The following CCHCR1 variants were observed in gnomAD, a reference collection of about 807,000 sequenced individuals.
CCHCR1 encodes the protein HCR (a-helix coiled-coil rod homologue).
A neutral mutation model predicts 114.6 loss-of-function variants in CCHCR1; 91 were observed. The ratio of observed to expected loss-of-function variants is 0.79; its 90% CI spans 0.67 to 0.94. The LOEUF (loss-of-function observed/expected upper bound fraction) is 0.94. Ranked by LOEUF, CCHCR1 falls within the 40% of genes least tolerant of loss-of-function variation. The pLI, the probability that CCHCR1 is intolerant of heterozygous loss-of-function variation, is 0.00. For synonymous variants in CCHCR1, 379 were observed against 428.5 expected, an observed-to-expected ratio of 0.88 and a Z score of 1.43; for missense variants, 899 against 1,079.9, an observed-to-expected ratio of 0.83 and a Z score of 2.35.
At chr6:31,149,784 C>T (rs1581933869) in intron 8 of CCHCR1, 3 of 391,522 alleles carry the variant, frequency 7.7e-6, no homozygotes, top group Non-Finnish European at 1.4e-5. Flanking sequence ...AGGTGAATCA[C>T]CTGAGGTCAG....
Position 31,150,491 on chromosome 6 carries a change from G to T in CCHCR1, c.1176C>A (p.His392Gln). The change falls in exon 7 of 18, where the codon CAC (histidine) becomes CAA (glutamine). Residue 392 changes from histidine (H) to glutamine (Q), a missense_variant. His to Gln is a conservative substitution (Grantham distance 24, BLOSUM62 0). Transcript: ENST00000396268. This position sits in a 1 kb window ranked among gnomAD's most constrained non-coding sequence, Gnocchi z 5.3. Reference protein sequence around the residue: ...LLQVRVQSLTHILALQEEELT... With the variant: ...LLQVRVQSLTQILALQEEELT... ...GCTCCTCCTCCTGCAGGGCGAGGAT[G>T]TGTGTGAGGCTCTGCACCCGCACCT... 1.5e-5 allele frequency: 24 copies of T among 1,612,702 alleles called. No individual in the cohort carries two copies. The highest frequency in any genetic ancestry group is 2.0e-5 in the Non-Finnish European group (24 of 1,179,928).
rs1003946415 is a variant in CCHCR1, at chr6:31,154,649, C to T, written c.648G>A (p.Met216Ile). The part of the protein sequence containing the change: ...QQKMRLEAQA[M>I]ELEALARAEK... Reference sequence around the variant, plus strand: ...CCGCCCGTGCCAGAGCCTCTAGCTCCATGGCCTGGGCCTCTAGCCTCATCT... The same window carrying T: ...CCGCCCGTGCCAGAGCCTCTAGCTCTATGGCCTGGGCCTCTAGCCTCATCT... The change falls in exon 4 of 18, where the codon ATG becomes ATA. Residue 216 changes from methionine (M) to isoleucine (I), a missense_variant. Met to Ile is a conservative substitution (Grantham distance 10). Transcript: ENST00000396268. The surrounding 1 kb of genome is among the most constrained non-coding windows in gnomAD (Gnocchi z 4.1). 1.2e-6 allele frequency: 2 copies of T among 1,612,530 alleles called. No individual in the cohort carries two copies. The highest frequency in any genetic ancestry group is 1.7e-6 in the Non-Finnish European group (2 of 1,179,994).
At chr6:31,153,271 G>C (rs1775509402) in intron 4 of CCHCR1, among the ~76,000 whole-genome samples, 1 of 152,128 alleles carries the variant, frequency 6.6e-6, no homozygotes, top group South Asian at 2.1e-4. Context: ...ACTGTGCCTG[G>C]CCTAGCTTCT....
chr6:31,150,120 C>T lies in CCHCR1; in HGVS notation c.1308G>A (p.Gln436=). 1 of 1,614,210 alleles carries T rather than the reference C, an allele frequency of 6.2e-7. No individual in the cohort carries two copies. Among genetic ancestry groups the T allele is most frequent in the Non-Finnish European group, 8.5e-7 (1 of 1,180,032 alleles). ...WREKVFALMV[Q]LKAQELEHSD... is the part of the protein sequence containing the mutation. ...TGTGTTCCAGCTCCTGGGCCTTTAG[C>T]TGCACCATGAGGGCAAACACCTTCT... is the stretch of plus-strand genomic sequence containing the variant. Residue 436 remains glutamine, a synonymous_variant, in exon 8 of 18, where the codon CAG becomes CAA. Transcript: ENST00000396268. The surrounding 1 kb of genome is among the most constrained non-coding windows in gnomAD (Gnocchi z 5.3).
Position 31,154,630 on chromosome 6 carries a change from G to A in CCHCR1, c.667C>T (p.Arg223Trp), listed in dbSNP as rs11961407. ...TCAGCTCGGCCGGCCTTCTCCGCCC[G>A]TGCCAGAGCCTCTAGCTCCATGGCC... is the stretch of plus-strand genomic sequence containing the variant. ...AQAMELEALA[R>W]AEKAGRAEAE... The change falls in exon 4 of 18, where the codon CGG (arginine) becomes TGG (tryptophan). Residue 223 changes from arginine to tryptophan, a missense_variant. Coordinates refer to ENST00000396268, the MANE Select transcript of CCHCR1 (RefSeq NM_001105564.2). This position sits in a 1 kb window ranked among gnomAD's most constrained non-coding sequence, Gnocchi z 4.1. 3,658 of 1,612,762 alleles carry A rather than the reference G, an allele frequency of 2.3e-3. 76 individuals are homozygous for A. In the African/African-American group the frequency reaches 0.039, roughly 17 times the overall value.
At position 31,144,412 on chromosome 6, in the gene CCHCR1, C is replaced by T. The variant is rs948576137; in HGVS notation, c.2167+275G>A. 2 of 367,846 alleles carry T rather than the reference C, an allele frequency of 5.4e-6. No homozygotes were observed. Among genetic ancestry groups the T allele is most frequent in the South Asian group, 8.5e-5 (1 of 11,834 alleles). 22.8% of individuals were successfully genotyped at this position (367,846 alleles called of 1,614,324 possible). On this transcript the variant is annotated intron_variant, in intron 15 of 17. Transcript: ENST00000396268. The surrounding 1 kb of genome is among the most constrained non-coding windows in gnomAD (Gnocchi z 4.6). ...GTTTCGCCATGTTGTCCAGGCTGGC[C>T]TCAAACTCCTGACCTCAGGTGATAC... is the stretch of plus-strand genomic sequence containing the variant.
In CCHCR1 at chr6:31,145,074, C is replaced by CT. The variant is rs555766439; in HGVS notation, c.1877-2dup. 4,139 of 1,600,058 alleles carry CT rather than the reference C, an allele frequency of 2.6e-3. 13 individuals are homozygous for CT. The highest frequency in any genetic ancestry group is 3.2e-3 in the Non-Finnish European group (3,735 of 1,176,462). ...CTCAGCTGCTGCCGCTCTGCCTCCC[C>CT]TAAAAGGAGGGGGTGCTGGGTCAGG... On this transcript the variant is annotated splice_acceptor_variant, in intron 13 of 17. Coordinates refer to ENST00000396268, the MANE Select transcript of CCHCR1 (RefSeq NM_001105564.2). LOFTEE classifies it high-confidence loss of function.
In CCHCR1 at chr6:31,144,865, A is replaced by G. The variant is rs1166520435; in HGVS notation, c.2065+20T>C. On this transcript the variant is annotated intron_variant, in intron 14 of 17. Coordinates refer to ENST00000396268, the MANE Select transcript of CCHCR1 (RefSeq NM_001105564.2). The surrounding 1 kb of genome is among the most constrained non-coding windows in gnomAD (Gnocchi z 4.6). ...TCCCACCCCACCCTCCAAGGGAAGC[A>G]CCCATTTCCCTCTCGACACCTTGCC... The G allele has an allele frequency of 6.2e-7, 1 of 1,609,108 alleles. No homozygotes were observed. The highest frequency in any genetic ancestry group is 8.5e-7 in the Non-Finnish European group (1 of 1,176,026).
intron 12 of CCHCR1, 58 bp downstream of exon 12, chr6:31,145,390 G>A (rs1418871822): frequency 1.2e-6 from 2 of 1,612,826 alleles, no homozygotes; most frequent in African/African-American, 2.7e-5. Context: ...CATGGTTTTG[G>A]GGGTCCCAGC....
intron 10 of CCHCR1, among the ~76,000 whole-genome samples, chr6:31,146,454 A>AC (rs1326878328): frequency 6.6e-6 from 1 of 152,212 alleles, no homozygotes; most frequent in African/African-American, 2.4e-5. Context: ...CAGAAGTAGG[A>AC]CCAACCTGGC....
Position 31,144,549 on chromosome 6 carries a change from A to G in CCHCR1, c.2167+138T>C, listed in dbSNP as rs963640265. On this transcript the variant is annotated intron_variant, in intron 15 of 17. Coordinates refer to ENST00000396268, the MANE Select transcript of CCHCR1 (RefSeq NM_001105564.2). The surrounding 1 kb of genome is among the most constrained non-coding windows in gnomAD (Gnocchi z 4.6). Reference sequence around the variant, plus strand: ...ACATGGGTGTGTTCACGATGTGATAATTCATCTGTGCTACTCCTGGATACC... The same window carrying G: ...ACATGGGTGTGTTCACGATGTGATAGTTCATCTGTGCTACTCCTGGATACC... 4.6e-6 allele frequency: 3 copies of G among 658,950 alleles called. No homozygotes were observed. In the African/African-American group the frequency reaches 5.4e-5, roughly 12 times the overall value. The allele number at this position is 658,950 out of a possible 1,614,324, so 40.8% of individuals were successfully genotyped here.
intron 10 of CCHCR1, among the ~76,000 whole-genome samples, chr6:31,146,405 A>G (rs746647): frequency 0.28 from 42,734 of 152,098 alleles, 6,193 homozygotes; most frequent in Middle Eastern, 0.41. Flanking sequence ...TCTAGCACCA[A>G]TGACGGGCAG....
In CCHCR1 at chr6:31,151,542, G is replaced by A. The variant is rs567033936; in HGVS notation, c.802-420C>T. On this transcript the variant is annotated intron_variant, in intron 4 of 17. Coordinates refer to ENST00000396268, the MANE Select transcript of CCHCR1 (RefSeq NM_001105564.2). This position sits in a 1 kb window ranked among gnomAD's most constrained non-coding sequence, Gnocchi z 4.1. ...AGGCTCTCCCACTGCTCCCCGCTCC[G>A]GCCACGGGGAGTCTGCTGAGAACCA... Among the ~76,000 whole-genome samples the A allele has an allele frequency of 1.6e-4, 24 of 152,192 alleles. No homozygotes were observed. In the South Asian group the frequency reaches 3.7e-3, roughly 24 times the overall value.
At chr6:31,142,801 G>T (rs1461436209) in intron 17 of CCHCR1, 85 bp from the exon 18 acceptor site, 3 of 1,548,694 alleles carry the variant, frequency 1.9e-6, no homozygotes, top group Middle Eastern at 2.1e-4. Context: ...AGGAAATGAG[G>T]AATGGGAGAG....
chr6:31,153,981 G>A lies in CCHCR1; in HGVS notation c.801+515C>T, dbSNP rs374728660. ...CCTTCTCCTTCAAGGCATTCCTCCT[G>A]ATTGCAATTAATTATGATTAAATTA... On this transcript the variant is annotated intron_variant, in intron 4 of 17. Transcript: ENST00000396268. 3.9e-5 allele frequency among the ~76,000 whole-genome samples: 6 copies of A among 152,308 alleles called. No individual in the cohort carries two copies. The South Asian group carries it at 6.2e-4, about 16-fold the overall frequency.
At position 31,157,769 on chromosome 6, in the gene CCHCR1, G is replaced by C; in HGVS notation, c.-169C>G. On this transcript the variant is annotated 5_prime_UTR_variant, in exon 1 of 18. Transcript: ENST00000396268. Reference sequence around the variant, plus strand: ...CTGCTGCCCGCCTCCTCTTTCTCGAGTCCTAACACATAGTGGGCACTTTAA... The same window carrying C: ...CTGCTGCCCGCCTCCTCTTTCTCGACTCCTAACACATAGTGGGCACTTTAA... 1.6e-6 allele frequency: 1 copy of C among 611,722 alleles called. No homozygotes were observed. The highest frequency in any genetic ancestry group is 2.0e-5 in the South Asian group (1 of 50,380). 37.9% of individuals were successfully genotyped at this position (611,722 alleles called of 1,614,324 possible).
chr6:31,148,707 CT>C lies in CCHCR1; in HGVS notation c.1383del (p.Val462Ter). ...GCCTGCTCCTGGCTCTGGGATGTCA[CT>C]TTTTCCTGGAGTGAGGCCACCTGGG... ...LKGQVASLQE[K>X]VTSQSQEQAI... On this transcript the variant is annotated frameshift_variant, in exon 9 of 18. Transcript: ENST00000396268. LOFTEE classifies it high-confidence loss of function. 6.2e-7 allele frequency: 1 copy of C among 1,612,622 alleles called. No individual in the cohort carries two copies. Among genetic ancestry groups the C allele is most frequent in the East Asian group, 2.2e-5 (1 of 44,878 alleles).
intron 12 of CCHCR1, 59 bp from the exon 13 acceptor site, chr6:31,145,361 C>T (rs761944896): frequency 3.8e-5 from 61 of 1,611,898 alleles, no homozygotes; most frequent in Non-Finnish European, 4.8e-5. Context: ...TCCCAAAGCC[C>T]CCATCCCACC....
chr6:31,154,492 T>C lies in CCHCR1; in HGVS notation c.801+4A>G, dbSNP rs1190961889. The stretch of plus-strand genomic sequence containing the variant: ...ATTTGAATCCTTTCTACCCCTGCAT[T>C]CACCTGCTCTTGGTGCAGCCTCTGA... On this transcript the variant is annotated splice_donor_region_variant and intron_variant, in intron 4 of 17. Transcript: ENST00000396268. This position sits in a 1 kb window ranked among gnomAD's most constrained non-coding sequence, Gnocchi z 4.1. The C allele has an allele frequency of 6.2e-7, 1 of 1,604,344 alleles. No homozygotes were observed. Among genetic ancestry groups the C allele is most frequent in the Non-Finnish European group, 8.5e-7 (1 of 1,172,726 alleles).
Sources: gnomAD v4.1 joint callset for allele counts (sites outside exome capture counted in the v4.1 genomes callset) on GRCh38, gnomAD v4.1.1 for gene constraint, Gnocchi (gnomAD v3.1) non-coding constraint, MANE v1.5 for transcripts, NCBI Gene and HGNC (gene_info 2026-07-23, HGNC 2026-07-21) for gene names.